The following FYB1 variants were observed in gnomAD, a reference collection of about 807,000 sequenced individuals.
The protein encoded by FYB1 is FYN-binding protein 1.
Under a neutral mutation model 94.1 loss-of-function variants are expected in FYB1, and 41 were observed. That is an observed-to-expected ratio of 0.44 (90% confidence interval 0.34 to 0.57). FYB1 has a LOEUF of 0.57. FYB1 is among the 20% of genes least tolerant of loss of function. The pLI, the probability that FYB1 is intolerant of heterozygous loss-of-function variation, is 0.02. For missense variants in FYB1, 1,050 were observed against 976.8 expected (o/e 1.07, Z -1.00); for synonymous variants, 367 against 353.2 (o/e 1.04, Z -0.44).
intron 1 of FYB1, among the ~76,000 whole-genome samples, chr5:39,236,319 C>G (rs964624018): frequency 7.2e-5 from 11 of 151,946 alleles, no homozygotes; most frequent in Non-Finnish European, 1.6e-4. Context: ...CTTTAATAGA[C>G]TAAAGAAGGC....
At chr5:39,179,985 C>T (rs974683194) in intron 2 of FYB1, among the ~76,000 whole-genome samples, 1 of 152,106 alleles carries the variant, frequency 6.6e-6, no homozygotes, top group African/African-American at 2.4e-5. Flanking sequence ...GCACCCAGTA[C>T]CCCATATTCT....
At chr5:39,247,796 T>C (rs1045742635) in intron 1 of FYB1, among the ~76,000 whole-genome samples, 2 of 151,920 alleles carry the variant, frequency 1.3e-5, no homozygotes, top group Non-Finnish European at 2.9e-5. Flanking sequence ...GCCAGCACCA[T>C]AGTGTGCTTT....
intron 14 of FYB1, among the ~76,000 whole-genome samples, chr5:39,121,262 C>A (rs193124818): frequency 3.6e-5 from 5 of 137,250 alleles, no homozygotes; most frequent in Non-Finnish European, 7.8e-5. Flanking sequence ...AAAACCTGAA[C>A]ATATTACTGA....
chr5:39,161,145 T>C lies in FYB1; in HGVS notation c.1136-7541A>G, dbSNP rs145000895. On this transcript the variant is annotated intron_variant, in intron 2 of 18. Transcript: ENST00000512982. ...AATTACCATAAATTACTTTCTCATT[T>C]ATTTATTCATTTTCTTCCTAGCTAA... 8.0e-4 allele frequency among the ~76,000 whole-genome samples: 84 copies of C among 104,674 alleles called. No homozygotes were observed. The East Asian group carries it at 0.016, about 20-fold the overall frequency. 68.7% of individuals were successfully genotyped at this position (104,674 alleles called of 152,430 possible).
chr5:39,154,592 T>C (rs1743579526), intron 2 of FYB1, among the ~76,000 whole-genome samples: 1 of 151,638 alleles, frequency 6.6e-6, no homozygotes, highest in Admixed American at 6.6e-5. Flanking sequence ...CTGCAACCTC[T>C]GCCTCCCAGG....
chr5:39,117,369 A>G (rs1473930759), intron 16 of FYB1, among the ~76,000 whole-genome samples: 3 of 152,132 alleles, frequency 2.0e-5, no homozygotes, highest in African/African-American at 7.2e-5. Flanking sequence ...AAATCTTTGA[A>G]CTTTTAAACA....
At chr5:39,231,148 AAAAAAAAAAAAAAC>A (rs1318560652) in intron 1 of FYB1, among the ~76,000 whole-genome samples, 1 of 80,688 alleles carries the variant, frequency 1.2e-5, no homozygotes, top group Non-Finnish European at 2.2e-5. Context: ...AGCTCAGAGC[AAAAAAAAAAAAAAC>A]AAAAAAAAAC....
chr5:39,239,183 T>C (rs1751099054), intron 1 of FYB1, among the ~76,000 whole-genome samples: 1 of 152,132 alleles, frequency 6.6e-6, no homozygotes, highest in South Asian at 2.1e-4. Flanking sequence ...GCGGCATCTA[T>C]GGCCAGCCCA....
chr5:39,204,279 C>T (rs114432259), intron 1 of FYB1, among the ~76,000 whole-genome samples: 2,335 of 152,248 alleles, frequency 0.015, 37 homozygotes, highest in Non-Finnish European at 0.019. Flanking sequence ...TGTTCTATAT[C>T]ATCCCGTCTC....
chr5:39,123,882 G>C (rs564873458), intron 13 of FYB1, among the ~76,000 whole-genome samples: 1 of 152,078 alleles, frequency 6.6e-6, no homozygotes, highest in African/African-American at 2.4e-5. Context: ...AGATTTAGAA[G>C]AGGCTTACTG....
Position 39,134,939 on chromosome 5 carries a change from A to C in FYB1, c.1591T>G (p.Phe531Val), listed in dbSNP as rs1741538737. The C allele has an allele frequency of 6.2e-7, 1 of 1,613,814 alleles. No homozygotes were observed. The highest frequency in any genetic ancestry group is 1.3e-5 in the African/African-American group (1 of 74,904). ...ATTTCAATTTGCTCTCCTTGCTTGA[A>C]GCTCAGTTCATTCTTTCCTCCTTTG... Reference protein sequence around the residue: ...DVKGGKNELSFKQGEQIEIIR... With the variant: ...DVKGGKNELSVKQGEQIEIIR... The change falls in exon 8 of 19, where the codon TTC (phenylalanine) becomes GTC (valine). Residue 531 changes from phenylalanine to valine, a missense_variant. By Grantham distance (50) the Phe-to-Val change is conservative. Coordinates refer to ENST00000512982, the MANE Select transcript of FYB1 (RefSeq NM_001465.6).
chr5:39,130,280 T>C lies in FYB1; in HGVS notation c.1840+310A>G, dbSNP rs544778851. Among the ~76,000 whole-genome samples the C allele has an allele frequency of 3.3e-5, 5 of 151,946 alleles. No homozygotes were observed. In the South Asian group the frequency reaches 1.0e-3, roughly 32 times the overall value. Reference sequence around the variant, plus strand: ...ATGTAAGAATGTGTTTGGGGGGACATGAAGAGAGATTGGTGAATGGGTACA... The same window carrying C: ...ATGTAAGAATGTGTTTGGGGGGACACGAAGAGAGATTGGTGAATGGGTACA... On this transcript the variant is annotated intron_variant, in intron 10 of 18. Transcript: ENST00000512982.
In FYB1 at chr5:39,122,427, G is replaced by A. The variant is rs756522366; in HGVS notation, c.2072-25C>T. 5 of 1,387,122 alleles carry A rather than the reference G, an allele frequency of 3.6e-6. No homozygotes were observed. In the African/African-American group the frequency reaches 4.3e-5, roughly 12 times the overall value. The allele number at this position is 1,387,122 out of a possible 1,614,324, so 85.9% of individuals were successfully genotyped here. A position where few individuals can be genotyped will look rare whatever the true frequency, so the allele number is the denominator to read the frequency against. On this transcript the variant is annotated intron_variant, in intron 13 of 18. Transcript: ENST00000512982. Reference sequence around the variant, plus strand: ...TCTAACAAAAGACAGAATATCAAAGGTTGAAACACTGTTAGTTTAGATTTT... The same window carrying A: ...TCTAACAAAAGACAGAATATCAAAGATTGAAACACTGTTAGTTTAGATTTT...
At chr5:39,125,772 A>G (rs772617491) in intron 12 of FYB1, among the ~76,000 whole-genome samples, 20 of 152,166 alleles carry the variant, frequency 1.3e-4, no homozygotes, top group Non-Finnish European at 2.4e-4. Flanking sequence ...AAAGTAAAAT[A>G]TATCTTTGAA....
chr5:39,271,130 A>C (rs1216394256), intron 1 of FYB1, among the ~76,000 whole-genome samples: 2 of 152,150 alleles, frequency 1.3e-5, no homozygotes, highest in Non-Finnish European at 2.9e-5. Context: ...AAAGAGCAAA[A>C]GTATATGAAA....
At chr5:39,163,794 C>T (rs907790406) in intron 2 of FYB1, among the ~76,000 whole-genome samples, 2 of 152,096 alleles carry the variant, frequency 1.3e-5, no homozygotes, top group African/African-American at 4.8e-5. Context: ...TCATAGATTA[C>T]AGGGTGTCTC....
intron 11 of FYB1, among the ~76,000 whole-genome samples, chr5:39,127,450 C>CAAA (rs34709432): frequency 6.2e-4 from 41 of 66,350 alleles, no homozygotes; most frequent in East Asian, 2.1e-3. Flanking sequence ...GACTCTGTCT[C>CAAA]AAAAAAAAAA....
intron 2 of FYB1, among the ~76,000 whole-genome samples, chr5:39,192,341 T>C (rs1018757281): frequency 2.0e-5 from 3 of 152,250 alleles, no homozygotes; most frequent in African/African-American, 4.8e-5. Flanking sequence ...TTAGAGGTTA[T>C]ATAATTTTGA....
chr5:39,255,257 A>G (rs1350994244), intron 1 of FYB1, among the ~76,000 whole-genome samples: 5 of 152,192 alleles, frequency 3.3e-5, no homozygotes, highest in Non-Finnish European at 5.9e-5. Context: ...CTACTTGCCC[A>G]GTCTATGTGA....
Sources: allele counts gnomAD v4.1 joint callset (sites outside exome capture counted in the v4.1 genomes callset), GRCh38; gene constraint gnomAD v4.1.1; transcripts MANE v1.5; gene names NCBI Gene and HGNC (gene_info 2026-07-23, HGNC 2026-07-21).